The following NRK variants were observed in gnomAD, a reference collection of about 807,000 sequenced individuals.
NRK encodes the protein Nik related kinase.
A neutral mutation model predicts 125.2 loss-of-function variants in NRK; 67 were observed. The observed-to-expected ratio is 0.54, with a 90% confidence interval of 0.44 to 0.66. The LOEUF (loss-of-function observed/expected upper bound fraction) is 0.66, where lower values mean the gene tolerates loss of function less well. Among genes scored for constraint, NRK ranks in the 30% least tolerant of loss-of-function variants. NRK has a pLI of 0.00. For missense variants in NRK, 1,224 were observed against 1,192.9 expected, an observed-to-expected ratio of 1.03 and a Z score of -0.38; for synonymous variants, 458 against 429.0, an observed-to-expected ratio of 1.07 and a Z score of -0.84.
At chrX:105,947,618 T>G (rs931506469) in intron 26 of NRK, among the ~76,000 whole-genome samples, 3 of 111,541 alleles carry the variant, frequency 2.7e-5, no homozygotes, top group Non-Finnish European at 1.9e-5. Flanking sequence ...GGCAATGATG[T>G]TTGTCCTATT....
intron 2 of NRK, among the ~76,000 whole-genome samples, chrX:105,872,531 TATG>T (rs2039760935): frequency 1.8e-5 from 2 of 110,857 alleles, no homozygotes; most frequent in Non-Finnish European, 3.8e-5. Flanking sequence ...TGTTCCCTTA[TATG>T]TCCCCAAACC....
At chrX:105,854,079 G>A (rs1352434460) in intron 2 of NRK, among the ~76,000 whole-genome samples, 1 of 111,828 alleles carries the variant, frequency 8.9e-6, no homozygotes, top group Non-Finnish European at 1.9e-5. Flanking sequence ...ATTTCCCAGT[G>A]CTGATGGCTT....
chrX:105,922,856 C>A (rs1368704997), intron 17 of NRK, among the ~76,000 whole-genome samples: 1 of 110,970 alleles, frequency 9.0e-6, no homozygotes, highest in Non-Finnish European at 1.9e-5. Context: ...AAGCAAGTGT[C>A]CATTCCTGAG....
intron 1 of NRK, among the ~76,000 whole-genome samples, chrX:105,823,116 C>T (rs760875214): frequency 1.8e-5 from 2 of 112,918 alleles, no homozygotes; most frequent in Admixed American, 9.3e-5. Context: ...AGGCACGGGG[C>T]GGTGGGAAGG....
intron 3 of NRK, among the ~76,000 whole-genome samples, chrX:105,881,129 TA>T (rs1187649751): frequency 9.1e-6 from 1 of 109,920 alleles, no homozygotes. Context: ...AGTATAATAA[TA>T]AAAAAAGAAA....
intron 9 of NRK, 60 bp from the exon 10 acceptor site, chrX:105,905,205 G>A: frequency 1.2e-6 from 1 of 832,860 alleles, no homozygotes; most frequent in Non-Finnish European, 1.8e-6. Flanking sequence ...TCTGGAATAA[G>A]GAGTGTGTTC....
chrX:105,851,687 G>C (rs2039473273), intron 2 of NRK, among the ~76,000 whole-genome samples: 1 of 111,479 alleles, frequency 9.0e-6, no homozygotes, highest in Admixed American at 9.6e-5. Context: ...AAGGGTAGTG[G>C]TTCCTTAACA....
At chrX:105,868,357 G>A (rs778672256) in intron 2 of NRK, among the ~76,000 whole-genome samples, 20 of 111,249 alleles carry the variant, frequency 1.8e-4, no homozygotes, top group African/African-American at 6.2e-4. Context: ...CCTTTAGATC[G>A]CTTTCCTTCC....
At chrX:105,865,551 G>A (rs1482109701) in intron 2 of NRK, among the ~76,000 whole-genome samples, 1 of 110,831 alleles carries the variant, frequency 9.0e-6, no homozygotes, top group African/African-American at 3.3e-5. Context: ...TGGAAACCCT[G>A]CAATGTTTCA....
chrX:105,941,879 C>G (rs1452740835), intron 23 of NRK, among the ~76,000 whole-genome samples: 2 of 110,113 alleles, frequency 1.8e-5, no homozygotes, highest in Non-Finnish European at 3.8e-5. Flanking sequence ...CAAAAGAAAC[C>G]CCATATTCAT....
intron 27 of NRK, among the ~76,000 whole-genome samples, chrX:105,952,026 T>G (rs2040905720): frequency 8.9e-6 from 1 of 112,628 alleles, no homozygotes; most frequent in Admixed American, 9.4e-5. Context: ...GGAGTTATTT[T>G]AATTCTAGTC....
chrX:105,905,287 G>T lies in NRK; in HGVS notation c.789G>T (p.Leu263Phe). The T allele has an allele frequency of 8.3e-7, 1 of 1,206,682 alleles. No individual in the cohort carries two copies. ...CAGCTCTGTGTAACCTTCAACCCTTGGAAGCTCTCTTCGTTATTTTGCGGG... is the reference window on the plus strand; with the variant it reads ...CAGCTCTGTGTAACCTTCAACCCTTTGAAGCTCTCTTCGTTATTTTGCGGG... ...GAPPLCNLQP[L>F]EALFVILRES... Residue 263 changes from leucine to phenylalanine, a missense_variant, in exon 10 of 29, where the codon TTG becomes TTT. Physicochemically the swap from Leu to Phe is conservative, Grantham distance 22. Transcript: ENST00000243300.
At chrX:105,925,463 ATCC>A (rs1258561305) in intron 19 of NRK, among the ~76,000 whole-genome samples, 2 of 111,013 alleles carry the variant, frequency 1.8e-5, no homozygotes, top group Non-Finnish European at 3.8e-5. Context: ...AACAATCAAT[ATCC>A]TCTCTCCTAG....
At chrX:105,855,067 A>G (rs995970681) in intron 2 of NRK, among the ~76,000 whole-genome samples, 2 of 111,858 alleles carry the variant, frequency 1.8e-5, no homozygotes, top group African/African-American at 6.5e-5. Flanking sequence ...GAGTTGCACC[A>G]GTGACCTGGA....
At chrX:105,900,094 G>C (rs949480181) in intron 8 of NRK, among the ~76,000 whole-genome samples, 1 of 108,828 alleles carries the variant, frequency 9.2e-6, no homozygotes, top group Non-Finnish European at 1.9e-5. Flanking sequence ...GTAGTGAAGA[G>C]AATTTTCTAG....
intron 4 of NRK, among the ~76,000 whole-genome samples, chrX:105,888,028 ACAGTGGC>A (rs2039969495): frequency 8.9e-6 from 1 of 112,547 alleles, no homozygotes; most frequent in African/African-American, 3.2e-5. Flanking sequence ...AAAATTTTAT[ACAGTGGC>A]CAGTGCCGCT....
intron 28 of NRK, 129 bp downstream of exon 28, chrX:105,953,302 C>T (rs993168314): frequency 2.0e-6 from 1 of 491,659 alleles, no homozygotes; most frequent in Non-Finnish European, 3.0e-6. Flanking sequence ...AACTGGCATA[C>T]TATTGATTAA....
chrX:105,911,665 T>C (rs1427237225), intron 13 of NRK, among the ~76,000 whole-genome samples: 2 of 111,096 alleles, frequency 1.8e-5, no homozygotes. Context: ...AGAAACTAGA[T>C]GGAGAAAAGG....
chrX:105,866,595 A>G (rs1157226271), intron 2 of NRK, among the ~76,000 whole-genome samples: 2 of 111,851 alleles, frequency 1.8e-5, no homozygotes, highest in Non-Finnish European at 3.8e-5. Context: ...CAACAAAATG[A>G]TAACCAAAAA....
Sources: gnomAD v4.1 joint callset for allele counts (sites outside exome capture counted in the v4.1 genomes callset) on GRCh38, gnomAD v4.1.1 for gene constraint, MANE v1.5 for transcripts, NCBI Gene and HGNC (gene_info 2026-07-23, HGNC 2026-07-21) for gene names.